NR5A2: variants seen among roughly 807,000 people sequenced by gnomAD.
The protein encoded by NR5A2 is nuclear receptor subfamily 5 group A member 2.
A neutral mutation model predicts 62.7 loss-of-function variants in NR5A2; 26 were observed. That is an observed-to-expected ratio of 0.41 (90% CI 0.30 to 0.58). NR5A2 has a LOEUF of 0.58. NR5A2 is among the 20% of genes least tolerant of loss of function. The pLI, the probability that NR5A2 is intolerant of heterozygous loss-of-function variation, is 0.22. For synonymous variants in NR5A2, 246 were observed against 241.7 expected (o/e 1.02, Z -0.16); for missense variants, 541 against 669.1 (o/e 0.81, Z 2.11).
At chr1:200,129,085 G>T (rs556449968) in intron 7 of NR5A2, among the ~76,000 whole-genome samples, 1 of 152,084 alleles carries the variant, frequency 6.6e-6, no homozygotes, top group Non-Finnish European at 1.5e-5. Context: ...TGCTGTCAAA[G>T]CTCCCTATAG....
At chr1:200,090,989 TA>T (rs1270761279) in intron 5 of NR5A2, among the ~76,000 whole-genome samples, 1 of 152,210 alleles carries the variant, frequency 6.6e-6, no homozygotes, top group Non-Finnish European at 1.5e-5. Context: ...GCTTTTAAAG[TA>T]GGTGCCATTG....
chr1:200,138,002 T>C (rs894074155), intron 7 of NR5A2, among the ~76,000 whole-genome samples: 2 of 151,954 alleles, frequency 1.3e-5, no homozygotes, highest in African/African-American at 2.4e-5. Context: ...AAGAATAGGG[T>C]TTTTAGGATT....
At chr1:200,110,889 C>T (rs1426329969) in intron 5 of NR5A2, among the ~76,000 whole-genome samples, 1 of 152,184 alleles carries the variant, frequency 6.6e-6, no homozygotes, top group Non-Finnish European at 1.5e-5. Context: ...GCACCTGGAC[C>T]TAACTCTAAT....
intron 7 of NR5A2, among the ~76,000 whole-genome samples, chr1:200,142,729 T>TA (rs1667502954): frequency 1.3e-5 from 2 of 152,196 alleles, no homozygotes; most frequent in Admixed American, 1.3e-4. Context: ...GTTTTCCCAT[T>TA]AATGTTTAAA....
chr1:200,108,741 G>C (rs1271362306), intron 5 of NR5A2, among the ~76,000 whole-genome samples: 3 of 152,156 alleles, frequency 2.0e-5, no homozygotes, highest in African/African-American at 7.2e-5. Context: ...TCTGAAATAA[G>C]ATGCTGATAG....
chr1:200,031,571 CTTTTTTTTTTTTT>C (rs530174677), intron 1 of NR5A2, among the ~76,000 whole-genome samples: 1 of 89,522 alleles, frequency 1.1e-5, no homozygotes, highest in Non-Finnish European at 2.1e-5. Flanking sequence ...TCTTTAACAC[CTTTTTTTTTTTTT>C]TTTTTTTTTT....
intron 6 of NR5A2, among the ~76,000 whole-genome samples, chr1:200,114,107 C>A (rs939589961): frequency 3.3e-5 from 5 of 151,880 alleles, no homozygotes; most frequent in Admixed American, 2.0e-4. Flanking sequence ...CGCTTGAACC[C>A]GGGAGGCAGA....
chr1:200,174,464 A>G lies in NR5A2; in HGVS notation c.*254A>G, dbSNP rs1200536291. ...AGCCCCAGAGGATTCCATATAAAAG[A>G]CATTGTAATGGAGTGGATTGAACTC... On this transcript the variant is annotated 3_prime_UTR_variant, in exon 8 of 8. Transcript: ENST00000367362. 1 of 293,812 alleles carries G rather than the reference A, an allele frequency of 3.4e-6. No individual in the cohort carries two copies. The highest frequency in any genetic ancestry group is 2.2e-5 in the African/African-American group (1 of 46,096). The allele number at this position is 293,812 out of a possible 1,614,324, so 18.2% of individuals were successfully genotyped here.
At chr1:200,049,306 A>G (rs1215832777) in intron 5 of NR5A2, among the ~76,000 whole-genome samples, 1 of 152,208 alleles carries the variant, frequency 6.6e-6, no homozygotes, top group Non-Finnish European at 1.5e-5. Context: ...AGTAGTATCA[A>G]GTAGGTATTT....
At chr1:200,116,922 T>C (rs570186084) in intron 6 of NR5A2, among the ~76,000 whole-genome samples, 1 of 152,214 alleles carries the variant, frequency 6.6e-6, no homozygotes, top group Non-Finnish European at 1.5e-5. Flanking sequence ...CACTGTAACA[T>C]CATCCTAAGG....
intron 7 of NR5A2, among the ~76,000 whole-genome samples, chr1:200,123,791 T>A (rs1666583098): frequency 1.3e-5 from 2 of 151,270 alleles, no homozygotes; most frequent in East Asian, 3.9e-4. Flanking sequence ...ATGCTGTGAT[T>A]TATTTTTAGA....
At chr1:200,096,994 C>T (rs757208167) in intron 5 of NR5A2, among the ~76,000 whole-genome samples, 9 of 152,102 alleles carry the variant, frequency 5.9e-5, no homozygotes, top group African/African-American at 2.2e-4. Flanking sequence ...CATCATTAAG[C>T]GAAGCATGAC....
intron 5 of NR5A2, among the ~76,000 whole-genome samples, chr1:200,083,985 TAA>T (rs1664413068): frequency 6.7e-6 from 1 of 148,252 alleles, no homozygotes; most frequent in Non-Finnish European, 1.5e-5. Flanking sequence ...ATAATAATAA[TAA>T]TAATAATAAT....
At chr1:200,108,532 A>T (rs1221373629) in intron 5 of NR5A2, among the ~76,000 whole-genome samples, 4 of 152,188 alleles carry the variant, frequency 2.6e-5, no homozygotes, top group Non-Finnish European at 5.9e-5. Flanking sequence ...GGTGTCCATA[A>T]ATAGACTTTG....
intron 7 of NR5A2, among the ~76,000 whole-genome samples, chr1:200,126,683 ATT>A (rs3034021): frequency 0.034 from 4,942 of 144,942 alleles, 238 homozygotes; most frequent in East Asian, 0.25. Context: ...TATGAAGGGG[ATT>A]TTTTTTTTTT....
chr1:200,081,586 T>A (rs1664294059), intron 5 of NR5A2, among the ~76,000 whole-genome samples: 1 of 152,186 alleles, frequency 6.6e-6, no homozygotes, highest in South Asian at 2.1e-4. Context: ...TCTTAATTGC[T>A]CATTTGCAGT....
rs540419135 is a variant in NR5A2, at chr1:200,060,792, CA to C, written c.1110+11978del. 6.1e-3 allele frequency among the ~76,000 whole-genome samples: 932 copies of C among 152,050 alleles called. 7 individuals are homozygous for C. Among genetic ancestry groups the C allele is most frequent in the Non-Finnish European group, 8.9e-3 (608 of 67,978 alleles). On this transcript the variant is annotated intron_variant, in intron 5 of 7. Transcript: ENST00000367362. Reference sequence around the variant, plus strand: ...CGTATGTGTCCTGGGAAGGAATAGCCAAAAGCTTTGACAAGAATAACTAAGT... The same window carrying C: ...CGTATGTGTCCTGGGAAGGAATAGCCAAAGCTTTGACAAGAATAACTAAGT...
chr1:200,031,658 A>G (rs150919323), intron 1 of NR5A2, among the ~76,000 whole-genome samples: 6,009 of 139,100 alleles, frequency 0.043, 178 homozygotes, highest in African/African-American at 0.087. Context: ...GGCTCACTGC[A>G]GCCTCAGCCT....
chr1:200,117,005 A>ACAAGT (rs1666251768), intron 6 of NR5A2, among the ~76,000 whole-genome samples: 1 of 152,218 alleles, frequency 6.6e-6, no homozygotes, highest in Non-Finnish European at 1.5e-5. Flanking sequence ...CTTATAATAT[A>ACAAGT]CAAGTCATCA....
Sources: gnomAD v4.1 joint callset for allele counts (sites outside exome capture counted in the v4.1 genomes callset) on GRCh38, gnomAD v4.1.1 for gene constraint, MANE v1.5 for transcripts, NCBI Gene and HGNC (gene_info 2026-07-23, HGNC 2026-07-21) for gene names.